The following ADCY10 variants were observed in gnomAD, a reference collection of about 807,000 sequenced individuals.
ADCY10 encodes adenylate cyclase 10.
Under a neutral mutation model 183.3 loss-of-function variants are expected in ADCY10, and 156 were observed. The ratio of observed to expected loss-of-function variants is 0.85; its 90% CI spans 0.75 to 0.97. The LOEUF is 0.97. ADCY10 is among the 50% of genes least tolerant of loss of function. ADCY10 has a pLI of 0.00. For synonymous variants in ADCY10, 645 were observed against 670.0 expected (o/e 0.96, Z 0.58); for missense variants, 1,745 against 1,934.3 (o/e 0.90, Z 1.84).
intron 14 of ADCY10, among the ~76,000 whole-genome samples, chr1:167,863,205 C>T (rs1021142514): frequency 2.0e-5 from 3 of 152,184 alleles, no homozygotes; most frequent in African/African-American, 7.2e-5. Context: ...AGGCCTGGGC[C>T]TGCCTGACCT....
chr1:167,858,206 A>C (rs906444299), intron 16 of ADCY10, among the ~76,000 whole-genome samples: 5 of 152,132 alleles, frequency 3.3e-5, no homozygotes, highest in Non-Finnish European at 5.9e-5. Flanking sequence ...CTCTGTTCTT[A>C]AGAAGCTCAC....
At chr1:167,856,058 G>T (rs1024424217) in intron 17 of ADCY10, 107 bp downstream of exon 17, 3 of 1,277,586 alleles carry the variant, frequency 2.3e-6, no homozygotes, top group Non-Finnish European at 2.2e-6. Context: ...GGCCAGGAAA[G>T]ATACTGAAAT....
chr1:167,901,142 AAT>A (rs574762716), intron 5 of ADCY10, among the ~76,000 whole-genome samples: 190 of 152,330 alleles, frequency 1.2e-3, no homozygotes, highest in Non-Finnish European at 2.3e-3. Flanking sequence ...GTAATAAGGA[AAT>A]ATGTGTGACT....
chr1:167,894,030 T>A, intron 7 of ADCY10, 89 bp from the exon 8 acceptor site: 1 of 853,454 alleles, frequency 1.2e-6, no homozygotes, highest in Non-Finnish European at 2.0e-6. Flanking sequence ...CCTATTCTCT[T>A]GGGCAGTGGG....
Position 167,897,068 on chromosome 1 carries a change from G to T in ADCY10, c.643-377C>A, listed in dbSNP as rs572114106. On this transcript the variant is annotated intron_variant, in intron 6 of 32. Coordinates refer to ENST00000367851, the MANE Select transcript of ADCY10 (RefSeq NM_018417.6). Reference sequence around the variant, plus strand: ...AAGTGTTAAAGGACGGGGGCTGATGGCCAAAAAGGAATTAGGAGCATCACC... The same window carrying T: ...AAGTGTTAAAGGACGGGGGCTGATGTCCAAAAAGGAATTAGGAGCATCACC... Among the ~76,000 whole-genome samples the T allele has an allele frequency of 1.3e-3, 193 of 151,840 alleles. 1 individual carries two copies. The highest frequency in any genetic ancestry group is 4.5e-3 in the African/African-American group (187 of 41,366).
chr1:167,820,481 A>C (rs1445546327), intron 30 of ADCY10: 4 of 399,364 alleles, frequency 1.0e-5, no homozygotes, highest in East Asian at 7.2e-5. Flanking sequence ...CTGTTTAAAA[A>C]ATTCTCCTGC....
At chr1:167,856,718 G>C (rs965485325) in intron 16 of ADCY10, among the ~76,000 whole-genome samples, 1 of 152,172 alleles carries the variant, frequency 6.6e-6, no homozygotes, top group East Asian at 1.9e-4. Flanking sequence ...GGAGTTTTAG[G>C]GGTACCCACA....
At chr1:167,848,519 G>A (rs1206837273) in intron 18 of ADCY10, 30 bp from the exon 19 acceptor site, 1 of 1,612,552 alleles carries the variant, frequency 6.2e-7, no homozygotes, top group Non-Finnish European at 8.5e-7. Flanking sequence ...AAGAAAAGTT[G>A]AGTCATTATC....
In ADCY10 at chr1:167,880,131, C is replaced by A; in HGVS notation, c.1200G>T (p.Val400=). 4 of 1,612,810 alleles carry A rather than the reference C, an allele frequency of 2.5e-6. No individual in the cohort carries two copies. The highest frequency in any genetic ancestry group is 3.4e-6 in the Non-Finnish European group (4 of 1,179,654). The part of the protein sequence containing the change: ...IVFCGIVGHT[V]RHEYTVIGQK... ...CCAGCACACCTGTGTACTCGTGTCTCACAGTGTGTCCAACGATCCCACAGA... is the reference window on the plus strand; with the variant it reads ...CCAGCACACCTGTGTACTCGTGTCTAACAGTGTGTCCAACGATCCCACAGA... Residue 400 remains valine (V), a synonymous_variant, in exon 11 of 33, where the codon GTG becomes GTT. Coordinates refer to ENST00000367851, the MANE Select transcript of ADCY10 (RefSeq NM_018417.6).
intron 16 of ADCY10, among the ~76,000 whole-genome samples, chr1:167,859,470 A>G (rs1478266088): frequency 6.6e-6 from 1 of 152,206 alleles, no homozygotes; most frequent in Non-Finnish European, 1.5e-5. Flanking sequence ...AGCAAGTGAT[A>G]GGCCTGGGGG....
At chr1:167,858,334 C>T (rs1447091477) in intron 16 of ADCY10, among the ~76,000 whole-genome samples, 2 of 151,642 alleles carry the variant, frequency 1.3e-5, no homozygotes, top group East Asian at 1.9e-4. Context: ...CCCATTTCTA[C>T]TAAAAATACA....
chr1:167,906,954 T>C (rs894807589), intron 1 of ADCY10, among the ~76,000 whole-genome samples: 1 of 152,242 alleles, frequency 6.6e-6, no homozygotes, highest in Non-Finnish European at 1.5e-5. Flanking sequence ...AGCTTAAGTA[T>C]GGTGTACCAT....
At chr1:167,836,170 A>G (rs747430038) in intron 23 of ADCY10, 139 bp downstream of exon 23, 3 of 708,702 alleles carry the variant, frequency 4.2e-6, no homozygotes, top group Non-Finnish European at 7.8e-6. Context: ...CCTTCTAAGC[A>G]ATGTGATTTT....
At chr1:167,886,390 A>C (rs1189868093) in intron 8 of ADCY10, among the ~76,000 whole-genome samples, 1 of 152,162 alleles carries the variant, frequency 6.6e-6, no homozygotes, top group East Asian at 1.9e-4. Flanking sequence ...CAGAAATAAT[A>C]CCACACATCT....
intron 5 of ADCY10, among the ~76,000 whole-genome samples, chr1:167,901,068 T>A (rs1339135914): frequency 6.6e-6 from 1 of 152,230 alleles, no homozygotes; most frequent in Non-Finnish European, 1.5e-5. Flanking sequence ...ATGATGCCTG[T>A]ATCTCAGGAC....
In ADCY10 at chr1:167,836,405, C is replaced by T. The variant is rs1395757350; in HGVS notation, c.3213G>A (p.Leu1071=). 6.2e-7 allele frequency: 1 copy of T among 1,614,076 alleles called. No individual in the cohort carries two copies. Among genetic ancestry groups the T allele is most frequent in the Admixed American group, 1.7e-5 (1 of 60,012 alleles). ...EEILEIVILP[L]AHHFLALGEN... is the part of the protein sequence containing the mutation. ...CTCCCAAAGCCAGAAAATGGTGGGC[C>T]AGAGGCAAGATGACAATCTCTAGGA... is the stretch of plus-strand genomic sequence containing the variant. Residue 1071 remains leucine (L), a synonymous_variant, in exon 23 of 33, where the codon CTG becomes CTA. Transcript: ENST00000367851.
chr1:167,905,166 A>G lies in ADCY10; in HGVS notation c.-26T>C, dbSNP rs1288861482. The G allele has an allele frequency of 2.5e-6, 4 of 1,614,190 alleles. No homozygotes were observed. The highest frequency in any genetic ancestry group is 2.2e-5 in the South Asian group (2 of 91,082). ...GTTCAAGACAAATGTTCAGGATTTT[A>G]TGGTGACAGGAAGCAGTCTCCAAAT... On this transcript the variant is annotated 5_prime_UTR_variant, in exon 2 of 33. Coordinates refer to ENST00000367851, the MANE Select transcript of ADCY10 (RefSeq NM_018417.6).
Position 167,809,521 on chromosome 1 carries a change from T to C in ADCY10, c.*157A>G, listed in dbSNP as rs1292739881. The C allele has an allele frequency of 1.3e-5, 11 of 824,626 alleles. No individual in the cohort carries two copies. The highest frequency in any genetic ancestry group is 2.3e-5 in the Admixed American group (1 of 43,508). 51.1% of individuals were successfully genotyped at this position (824,626 alleles called of 1,614,324 possible). A position where few individuals can be genotyped will look rare whatever the true frequency, so the allele number is the denominator to read the frequency against. On this transcript the variant is annotated 3_prime_UTR_variant, in exon 33 of 33. Coordinates refer to ENST00000367851, the MANE Select transcript of ADCY10 (RefSeq NM_018417.6). ...TAAACCATGACACTCCTGACCCTTG[T>C]AGGCCCTCCAGAAAGAGAAGAAATC... is the stretch of plus-strand genomic sequence containing the variant.
chr1:167,889,706 C>T (rs1346528483), intron 8 of ADCY10, among the ~76,000 whole-genome samples: 1 of 152,102 alleles, frequency 6.6e-6, no homozygotes, highest in African/African-American at 2.4e-5. Flanking sequence ...GGTCCCAGAT[C>T]TTGTTACTTG....
Sources: allele counts gnomAD v4.1 joint callset (sites outside exome capture counted in the v4.1 genomes callset), GRCh38; gene constraint gnomAD v4.1.1; transcripts MANE v1.5; gene names NCBI Gene and HGNC (gene_info 2026-07-23, HGNC 2026-07-21).